The following QTMAN variants were observed in gnomAD, a reference collection of about 807,000 sequenced individuals.
QTMAN encodes queuosine-tRNA mannosyltransferase, also known as tRNA-queuosine alpha-mannosyltransferase.
chr2:144,036,632 G>C, the QTMAN span, among the ~76,000 whole-genome samples: 3 of 151,990 alleles, frequency 2.0e-5, no homozygotes, highest in Admixed American at 2.0e-4. Context: ...CTACATATTT[G>C]GTACCATATA....
chr2:144,300,439 C>T, the QTMAN span, among the ~76,000 whole-genome samples: 1 of 152,162 alleles, frequency 6.6e-6, no homozygotes, highest in Non-Finnish European at 1.5e-5. Context: ...GCCCAAAGAA[C>T]TTACACATAA....
At chr2:144,330,773 G>A in the QTMAN span, among the ~76,000 whole-genome samples, 16 of 152,174 alleles carry the variant, frequency 1.1e-4, no homozygotes, top group Non-Finnish European at 1.8e-4. Context: ...CTAGTTAAGT[G>A]TTTAGTTAAT....
chr2:144,285,797 G>A, the QTMAN span, among the ~76,000 whole-genome samples: 162 of 152,224 alleles, frequency 1.1e-3, no homozygotes, highest in Non-Finnish European at 1.7e-3. Context: ...ATCTGAGGCC[G>A]GAAATAAGAG....
chr2:144,160,015 G>A, the QTMAN span, among the ~76,000 whole-genome samples: 38 of 152,096 alleles, frequency 2.5e-4, no homozygotes, highest in African/African-American at 8.7e-4. Context: ...AACAGTACAC[G>A]TAAAGACTAA....
At chr2:144,201,191 C>G in the QTMAN span, among the ~76,000 whole-genome samples, 2 of 152,046 alleles carry the variant, frequency 1.3e-5, no homozygotes, top group African/African-American at 2.4e-5. Context: ...CATTTTAGAT[C>G]GGGTGCTCAG....
chr2:144,241,760 C>T, the QTMAN span, among the ~76,000 whole-genome samples: 4 of 151,720 alleles, frequency 2.6e-5, no homozygotes, highest in Non-Finnish European at 4.4e-5. Flanking sequence ...CTAGATATTA[C>T]CTAGTGTGTA....
At chr2:144,183,192 G>C in the QTMAN span, among the ~76,000 whole-genome samples, 1 of 151,506 alleles carries the variant, frequency 6.6e-6, no homozygotes, top group Non-Finnish European at 1.5e-5. Flanking sequence ...TGGGTTTCAG[G>C]TGAGCAGAAT....
the QTMAN span, among the ~76,000 whole-genome samples, chr2:144,059,155 T>C: frequency 6.6e-6 from 1 of 152,202 alleles, no homozygotes; most frequent in African/African-American, 2.4e-5. Context: ...ACATATATCA[T>C]AGCTTTGCAG....
At chr2:144,218,864 A>T in the QTMAN span, among the ~76,000 whole-genome samples, 1 of 151,606 alleles carries the variant, frequency 6.6e-6, no homozygotes, top group Non-Finnish European at 1.5e-5. Flanking sequence ...TGAAAAATGA[A>T]AAGGCCATAA....
chr2:144,227,003 C>T, the QTMAN span, among the ~76,000 whole-genome samples: 1 of 152,098 alleles, frequency 6.6e-6, no homozygotes, highest in Admixed American at 6.5e-5. Context: ...ACATGAAATT[C>T]TATAGTACAT....
the QTMAN span, among the ~76,000 whole-genome samples, chr2:143,951,737 G>A: frequency 6.6e-6 from 1 of 151,394 alleles, no homozygotes; most frequent in Non-Finnish European, 1.5e-5. Flanking sequence ...GTAAAGGACA[G>A]TCATCTTAGA....
chr2:144,216,970 A>G, the QTMAN span, among the ~76,000 whole-genome samples: 2 of 152,192 alleles, frequency 1.3e-5, no homozygotes, highest in Non-Finnish European at 2.9e-5. Flanking sequence ...AGAAGAAAAA[A>G]AGACATTTTT....
the QTMAN span, among the ~76,000 whole-genome samples, chr2:144,097,728 ACT>A: frequency 1.3e-5 from 2 of 151,746 alleles, no homozygotes; most frequent in Non-Finnish European, 2.9e-5. Flanking sequence ...CTGTCAAGAA[ACT>A]CTGATTTTGA....
chr2:144,071,017 GAA>G, the QTMAN span, among the ~76,000 whole-genome samples: 83 of 152,248 alleles, frequency 5.5e-4, no homozygotes, highest in Non-Finnish European at 3.2e-4. Flanking sequence ...CTTTAAATGA[GAA>G]AAGAGGGTTG....
the QTMAN span, among the ~76,000 whole-genome samples, chr2:144,229,255 G>C: frequency 2.0e-5 from 3 of 152,086 alleles, no homozygotes; most frequent in African/African-American, 7.2e-5. Flanking sequence ...CTATTGTATA[G>C]TGCTGAAAAG....
chr2:143,950,854 A>C, the QTMAN span: 1 of 152,178 alleles, frequency 6.6e-6, no homozygotes, highest in East Asian at 1.9e-4. Context: ...CTCAAGGAGT[A>C]ATACTGAAGC....
chr2:144,011,638 A>G, the QTMAN span: 2 of 894,084 alleles, frequency 2.2e-6, no homozygotes, highest in Non-Finnish European at 2.7e-6. Flanking sequence ...GTTCTATGCT[A>G]GTAAAAAAAA....
At chr2:144,051,453 A>C in the QTMAN span, among the ~76,000 whole-genome samples, 2 of 152,094 alleles carry the variant, frequency 1.3e-5, no homozygotes, top group Non-Finnish European at 2.9e-5. Flanking sequence ...CCAGGAGTTC[A>C]AGGCTGTAGT....
chr2:144,113,920 A>AC, the QTMAN span, among the ~76,000 whole-genome samples: 2 of 152,244 alleles, frequency 1.3e-5, no homozygotes, highest in Non-Finnish European at 2.9e-5. Context: ...TTAAATTGAA[A>AC]AACATCAATG....
Sources: gnomAD v4.1 joint callset for allele counts (sites outside exome capture counted in the v4.1 genomes callset) on GRCh38, gnomAD v4.1.1 for gene constraint, MANE v1.5 for transcripts, NCBI Gene and HGNC (gene_info 2026-07-23, HGNC 2026-07-21) for gene names.